Variants in DPP10 observed in about 807,000 individuals in gnomAD.
DPP10 encodes the protein inactive dipeptidyl peptidase 10.
A neutral mutation model predicts 120.9 loss-of-function variants in DPP10; 33 were observed. The ratio of observed to expected loss-of-function variants is 0.27; its 90% confidence interval spans 0.21 to 0.37. The LOEUF (loss-of-function observed/expected upper bound fraction) is 0.37, where lower values mean the gene tolerates loss of function less well. DPP10 is among the 10% of genes least tolerant of loss of function. The pLI, the probability that DPP10 is intolerant of heterozygous loss-of-function variation, is 1.00. For synonymous variants in DPP10, 337 were observed against 326.1 expected, an observed-to-expected ratio of 1.03 and a Z score of -0.36; for missense variants, 816 against 942.8, an observed-to-expected ratio of 0.87 and a Z score of 1.76.
intron 1 of DPP10, among the ~76,000 whole-genome samples, chr2:115,299,465 G>A (rs1559385332): frequency 6.6e-6 from 1 of 152,006 alleles, no homozygotes; most frequent in Non-Finnish European, 1.5e-5. Flanking sequence ...GGAAGAATTG[G>A]CTGTCTAACT....
intron 3 of DPP10, among the ~76,000 whole-genome samples, chr2:115,388,646 T>G (rs1342189175): frequency 1.3e-5 from 2 of 152,218 alleles, no homozygotes; most frequent in Non-Finnish European, 2.9e-5. Context: ...ACATCTAAAA[T>G]GCTATATTAA....
Position 114,768,156 on chromosome 2 carries a change from G to GA in DPP10, c.60+325329dup, listed in dbSNP as rs369211755. Among the ~76,000 whole-genome samples the GA allele has an allele frequency of 3.5e-3, 474 of 137,202 alleles. 2 individuals carry two copies. The highest frequency in any genetic ancestry group is 0.012 in the African/African-American group (439 of 37,554). 90.0% of individuals were successfully genotyped at this position (137,202 alleles called of 152,430 possible). The stretch of plus-strand genomic sequence containing the variant: ...AAAAAAAAAAAAAAAAGTTCTCAGA[G>GA]AAAAAAAAAAATCAATCCAGAATTA... On this transcript the variant is annotated intron_variant, in intron 1 of 25. Coordinates refer to ENST00000410059, the MANE Select transcript of DPP10 (RefSeq NM_020868.6).
intron 5 of DPP10, among the ~76,000 whole-genome samples, chr2:115,631,298 A>G (rs773471208): frequency 6.6e-6 from 1 of 151,548 alleles, no homozygotes; most frequent in Non-Finnish European, 1.5e-5. Flanking sequence ...TTGTGTCTAT[A>G]TGATTCTTTT....
intron 3 of DPP10, among the ~76,000 whole-genome samples, chr2:115,458,089 C>G (rs1276831455): frequency 7.9e-5 from 12 of 152,036 alleles, no homozygotes; most frequent in Admixed American, 7.9e-4. Flanking sequence ...ATGAAAAGTC[C>G]AGAAAAGCCA....
intron 5 of DPP10, among the ~76,000 whole-genome samples, chr2:115,590,294 T>A (rs59319389): frequency 0.021 from 3,165 of 152,030 alleles, 104 homozygotes; most frequent in African/African-American, 0.071. Context: ...ATTAGGTATA[T>A]CTCCTAATGC....
At chr2:115,211,861 T>G (rs971742934) in intron 1 of DPP10, among the ~76,000 whole-genome samples, 3 of 152,262 alleles carry the variant, frequency 2.0e-5, no homozygotes, top group African/African-American at 7.2e-5. Flanking sequence ...AGTGTTAGAA[T>G]TGTTTTCCTA....
Position 115,162,333 on chromosome 2 carries a change from G to A in DPP10, c.61-146906G>A, listed in dbSNP as rs1202192963. On this transcript the variant is annotated intron_variant, in intron 1 of 25. Coordinates refer to ENST00000410059, the MANE Select transcript of DPP10 (RefSeq NM_020868.6). ...GCGGCCCACCGAGGGAGGGAGAGGCGGCCGGGACCAAGGAATGGGGCCTCT... is the reference window on the plus strand; with the variant it reads ...GCGGCCCACCGAGGGAGGGAGAGGCAGCCGGGACCAAGGAATGGGGCCTCT... 2.0e-5 allele frequency: 29 copies of A among 1,450,892 alleles called. No individual in the cohort carries two copies. The East Asian group carries it at 3.4e-4, about 17-fold the overall frequency. 89.9% of individuals were successfully genotyped at this position (1,450,892 alleles called of 1,614,324 possible). A position where few individuals can be genotyped will look rare whatever the true frequency, so the allele number is the denominator to read the frequency against.
chr2:115,019,757 A>G (rs1477377325), intron 1 of DPP10, among the ~76,000 whole-genome samples: 2 of 152,224 alleles, frequency 1.3e-5, no homozygotes, highest in Non-Finnish European at 2.9e-5. Flanking sequence ...CTTAAGAGCT[A>G]TGAGGCAAAA....
chr2:115,737,050 C>CTTAT (rs1474539789), intron 8 of DPP10, among the ~76,000 whole-genome samples: 4 of 152,096 alleles, frequency 2.6e-5, no homozygotes, highest in Non-Finnish European at 5.9e-5. Context: ...ATTTCTGTTT[C>CTTAT]TTATTGTCTT....
At position 114,664,136 on chromosome 2, in the gene DPP10, A is replaced by G. The variant is rs78812198; in HGVS notation, c.60+221298A>G. On this transcript the variant is annotated intron_variant, in intron 1 of 25. Coordinates refer to ENST00000410059, the MANE Select transcript of DPP10 (RefSeq NM_020868.6). ...CCAGAGCATGAGAAACTGAATTTCA[A>G]TTATTCATATTTTTGCACTCAAAGC... Among the ~76,000 whole-genome samples, 521 of 152,078 alleles carry G rather than the reference A, an allele frequency of 3.4e-3. 3 individuals carry two copies. The highest frequency in any genetic ancestry group is 6.5e-3 in the Non-Finnish European group (440 of 67,986).
At chr2:115,094,598 A>C (rs534294778) in intron 1 of DPP10, among the ~76,000 whole-genome samples, 3 of 152,258 alleles carry the variant, frequency 2.0e-5, no homozygotes, top group African/African-American at 7.2e-5. Flanking sequence ...CATTCCCTGG[A>C]CCTAAAATAA....
At chr2:115,449,367 G>C (rs1422122542) in intron 3 of DPP10, among the ~76,000 whole-genome samples, 1 of 151,938 alleles carries the variant, frequency 6.6e-6, no homozygotes, top group Admixed American at 6.6e-5. Flanking sequence ...ATATGCTAAG[G>C]GGATAAACAA....
chr2:114,682,112 T>C (rs76509890), intron 1 of DPP10, among the ~76,000 whole-genome samples: 5,003 of 152,032 alleles, frequency 0.033, 127 homozygotes, highest in Middle Eastern at 0.065. Context: ...TTCACAACAT[T>C]TCCTAGACCC....
At chr2:114,558,770 T>G (rs1173437735) in intron 1 of DPP10, among the ~76,000 whole-genome samples, 1 of 152,228 alleles carries the variant, frequency 6.6e-6, no homozygotes, top group Non-Finnish European at 1.5e-5. Context: ...TTTGTTGACT[T>G]CTTCAACACA....
At chr2:115,774,566 GT>G (rs1559138429) in intron 13 of DPP10, among the ~76,000 whole-genome samples, 1 of 152,056 alleles carries the variant, frequency 6.6e-6, no homozygotes, top group East Asian at 1.9e-4. Context: ...CACAAATTGG[GT>G]GTCTTTGCAC....
chr2:115,482,167 C>A (rs12996904), intron 3 of DPP10, among the ~76,000 whole-genome samples: 54 of 151,606 alleles, frequency 3.6e-4, no homozygotes, highest in South Asian at 6.2e-4. Flanking sequence ...TTTTCATATA[C>A]CTTTAAAAAA....
chr2:115,778,600 G>A (rs940004770), intron 15 of DPP10, among the ~76,000 whole-genome samples: 2 of 151,992 alleles, frequency 1.3e-5, no homozygotes, highest in African/African-American at 4.8e-5. Context: ...TTTTTAAAGT[G>A]TCAAAACTGC....
intron 1 of DPP10, among the ~76,000 whole-genome samples, chr2:114,607,413 G>T (rs1039715946): frequency 1.3e-5 from 2 of 152,186 alleles, no homozygotes; most frequent in Non-Finnish European, 2.9e-5. Context: ...TAATGGGCTA[G>T]ATTTAAGTAT....
In DPP10 at chr2:114,750,455, T is replaced by A. The variant is rs188039248; in HGVS notation, c.60+307617T>A. On this transcript the variant is annotated intron_variant, in intron 1 of 25. Transcript: ENST00000410059. ...TTCACACCATTCTCCTGCCTCAGCC[T>A]CCCGAGTAGCTGGGACCACAGGCGC... 9.0e-3 allele frequency among the ~76,000 whole-genome samples: 1,364 copies of A among 152,052 alleles called. 15 individuals are homozygous for A. Among genetic ancestry groups the A allele is most frequent in the African/African-American group, 0.031 (1,295 of 41,440 alleles).
Sources: allele counts gnomAD v4.1 joint callset (sites outside exome capture counted in the v4.1 genomes callset), GRCh38; gene constraint gnomAD v4.1.1; transcripts MANE v1.5; gene names NCBI Gene and HGNC (gene_info 2026-07-23, HGNC 2026-07-21).